The following TMEM132D variants were observed in gnomAD, a reference collection of about 807,000 sequenced individuals.
TMEM132D encodes mature OL transmembrane protein.
A neutral mutation model predicts 62.3 loss-of-function variants in TMEM132D; 21 were observed. The ratio of observed to expected loss-of-function variants is 0.34; its 90% CI spans 0.24 to 0.49. TMEM132D has a LOEUF of 0.49. Ranked by LOEUF, TMEM132D falls within the 20% of genes least tolerant of loss-of-function variation. The pLI is 0.99. For missense variants in TMEM132D, 1,346 were observed against 1,402.8 expected, an observed-to-expected ratio of 0.96 and a Z score of 0.65; for synonymous variants, 621 against 575.6, an observed-to-expected ratio of 1.08 and a Z score of -1.13.
chr12:129,104,868 G>T (rs1195152869), intron 5 of TMEM132D, among the ~76,000 whole-genome samples: 1 of 142,710 alleles, frequency 7.0e-6, no homozygotes, highest in African/African-American at 2.8e-5. Context: ...AGTTAGAATG[G>T]CAATCATTAA....
intron 1 of TMEM132D, among the ~76,000 whole-genome samples, chr12:129,724,561 C>T (rs531787277): frequency 9.9e-5 from 15 of 152,268 alleles, no homozygotes; most frequent in African/African-American, 3.4e-4. Flanking sequence ...TCGCTCTTGT[C>T]GCCCAGGTTG....
chr12:129,273,196 C>A (rs972079154), intron 4 of TMEM132D, among the ~76,000 whole-genome samples: 1 of 146,022 alleles, frequency 6.8e-6, no homozygotes, highest in African/African-American at 2.7e-5. Context: ...ATTCTGTTTC[C>A]AAACAAACAA....
intron 5 of TMEM132D, among the ~76,000 whole-genome samples, chr12:129,112,083 G>C (rs1163979893): frequency 5.3e-5 from 8 of 152,146 alleles, no homozygotes; most frequent in Non-Finnish European, 1.0e-4. Flanking sequence ...ACCCCTCTTG[G>C]AGATTCATGC....
At chr12:129,712,564 T>G (rs1868409222) in intron 1 of TMEM132D, among the ~76,000 whole-genome samples, 1 of 152,218 alleles carries the variant, frequency 6.6e-6, no homozygotes, top group Non-Finnish European at 1.5e-5. Flanking sequence ...CTTTGTGCAG[T>G]GCAGTGGAAC....
At position 129,499,858 on chromosome 12, in the gene TMEM132D, C is replaced by A. The variant is rs527894533; in HGVS notation, c.1115+31201G>T. On this transcript the variant is annotated intron_variant, in intron 3 of 8. Coordinates refer to ENST00000422113, the MANE Select transcript of TMEM132D (RefSeq NM_133448.3). The stretch of plus-strand genomic sequence containing the variant: ...TTAACGTTCCCCCTTCAATCAGTTA[C>A]CTCCAACACATACTCTGAGCAGGGA... 3.9e-5 allele frequency among the ~76,000 whole-genome samples: 6 copies of A among 152,310 alleles called. No individual in the cohort carries two copies. The South Asian group carries it at 1.2e-3, about 32-fold the overall frequency.
intron 1 of TMEM132D, among the ~76,000 whole-genome samples, chr12:129,812,675 C>A (rs1181894728): frequency 2.0e-5 from 3 of 151,768 alleles, no homozygotes; most frequent in Non-Finnish European, 4.4e-5. Context: ...TGTATTGATA[C>A]GTGCCTCTCT....
intron 3 of TMEM132D, among the ~76,000 whole-genome samples, chr12:129,345,873 A>G (rs1037022890): frequency 2.6e-5 from 4 of 152,162 alleles, no homozygotes; most frequent in Non-Finnish European, 4.4e-5. Context: ...ATCGATGTTC[A>G]TCAGGGATAT....
chr12:129,873,136 C>T (rs1424642904), intron 1 of TMEM132D, among the ~76,000 whole-genome samples: 4 of 152,152 alleles, frequency 2.6e-5, no homozygotes, highest in Admixed American at 6.5e-5. Flanking sequence ...CCAATTATTG[C>T]AGAGGGGACA....
chr12:129,596,216 G>A (rs564489264), intron 2 of TMEM132D, among the ~76,000 whole-genome samples: 1 of 152,302 alleles, frequency 6.6e-6, no homozygotes, highest in South Asian at 2.1e-4. Flanking sequence ...GAAAGTAGCT[G>A]ATCTATAGCT....
intron 2 of TMEM132D, among the ~76,000 whole-genome samples, chr12:129,598,828 C>T (rs971180532): frequency 2.0e-5 from 3 of 152,186 alleles, no homozygotes; most frequent in Admixed American, 6.5e-5. Flanking sequence ...TGTATTTCCA[C>T]CTGTCCCTCA....
chr12:129,616,877 A>G (rs1395788161), intron 2 of TMEM132D, among the ~76,000 whole-genome samples: 4 of 152,224 alleles, frequency 2.6e-5, no homozygotes, highest in African/African-American at 9.6e-5. Context: ...TTTGTTCTGT[A>G]TGAGCAAAAG....
At chr12:129,554,498 G>A (rs1876997008) in intron 2 of TMEM132D, among the ~76,000 whole-genome samples, 1 of 152,100 alleles carries the variant, frequency 6.6e-6, no homozygotes, top group Non-Finnish European at 1.5e-5. Context: ...CATCACAGTT[G>A]CTTACTGTGG....
intron 5 of TMEM132D, among the ~76,000 whole-genome samples, chr12:129,134,547 A>C (rs1179395307): frequency 2.0e-5 from 3 of 152,180 alleles, no homozygotes; most frequent in Non-Finnish European, 2.9e-5. Flanking sequence ...GCATTTTTCC[A>C]AGGATCTTGT....
intron 3 of TMEM132D, among the ~76,000 whole-genome samples, chr12:129,449,563 G>GTC: frequency 6.6e-6 from 1 of 152,150 alleles, no homozygotes; most frequent in Middle Eastern, 3.2e-3. Context: ...GGTACACGGA[G>GTC]TCTCTGCACA....
intron 3 of TMEM132D, among the ~76,000 whole-genome samples, chr12:129,485,153 A>G (rs975976342): frequency 2.6e-5 from 4 of 152,228 alleles, no homozygotes; most frequent in African/African-American, 4.8e-5. Flanking sequence ...TACGTGGTAC[A>G]TTACTGAGCA....
chr12:129,893,982 A>T (rs1262432167), intron 1 of TMEM132D, among the ~76,000 whole-genome samples: 3 of 152,216 alleles, frequency 2.0e-5, no homozygotes, highest in Non-Finnish European at 4.4e-5. Flanking sequence ...ATGGGAAAGA[A>T]GCCTTCTCTG....
intron 1 of TMEM132D, among the ~76,000 whole-genome samples, chr12:129,708,978 T>A (rs534981572): frequency 6.6e-6 from 1 of 152,164 alleles, no homozygotes; most frequent in African/African-American, 2.4e-5. Flanking sequence ...CCAGAGTGAG[T>A]GTGGAAGACC....
At chr12:129,626,746 A>T (rs1361229268) in intron 2 of TMEM132D, among the ~76,000 whole-genome samples, 1 of 152,132 alleles carries the variant, frequency 6.6e-6, no homozygotes, top group Non-Finnish European at 1.5e-5. Flanking sequence ...GTGAGCCACC[A>T]GGCCGGCCTA....
chr12:129,492,633 A>T (rs1346967363), intron 3 of TMEM132D, among the ~76,000 whole-genome samples: 2 of 152,180 alleles, frequency 1.3e-5, no homozygotes, highest in Non-Finnish European at 2.9e-5. Flanking sequence ...CAGTATACAC[A>T]CTGTCAAAAG....
Sources: allele counts gnomAD v4.1 joint callset (sites outside exome capture counted in the v4.1 genomes callset), GRCh38; gene constraint gnomAD v4.1.1; transcripts MANE v1.5; gene names NCBI Gene and HGNC (gene_info 2026-07-23, HGNC 2026-07-21).